The following LDLRAD4 variants were observed in gnomAD, a reference collection of about 807,000 sequenced individuals.
The protein encoded by LDLRAD4 is low-density lipoprotein receptor class A domain-containing protein 4.
A neutral mutation model predicts 17.0 loss-of-function variants in LDLRAD4; 5 were observed. The ratio of observed to expected loss-of-function variants is 0.29; its 90% CI spans 0.15 to 0.62. The LOEUF is 0.62. Ranked by LOEUF, LDLRAD4 falls within the 20% of genes least tolerant of loss-of-function variation. The probability of loss-of-function intolerance (pLI) is 0.84; values close to 1 mark genes in which losing one functional copy is unlikely to be tolerated. For synonymous variants in LDLRAD4, 168 were observed against 171.8 expected (o/e 0.98, Z 0.17); for missense variants, 340 against 424.7 (o/e 0.80, Z 1.75).
intron 3 of LDLRAD4, among the ~76,000 whole-genome samples, chr18:13,447,283 C>T (rs998948585): frequency 1.3e-4 from 20 of 152,208 alleles, no homozygotes; most frequent in African/African-American, 3.4e-4. Context: ...ACTGGCAACA[C>T]GCTTCTGCCT....
At chr18:13,620,985 C>A (rs181474380) in intron 3 of LDLRAD4, 132 bp from the exon 5 acceptor site, 559 of 1,273,310 alleles carry the variant, frequency 4.4e-4, no homozygotes, top group South Asian at 6.2e-4. Context: ...GTTTCTGTGT[C>A]CTGCTGGCCT....
At chr18:13,488,077 C>T (rs1235071198) in intron 3 of LDLRAD4, 1 of 152,406 alleles carries the variant, frequency 6.6e-6, no homozygotes, top group Admixed American at 6.5e-5. Context: ...GCCATCTGGC[C>T]CTTGAGTTCA....
chr18:13,639,689 C>G (rs1159330287), intron 4 of LDLRAD4, among the ~76,000 whole-genome samples: 1 of 152,152 alleles, frequency 6.6e-6, no homozygotes, highest in African/African-American at 2.4e-5. Flanking sequence ...TCCACCACAG[C>G]ATGTTGTAGT....
At chr18:13,424,973 T>G (rs1389490593) in intron 2 of LDLRAD4, among the ~76,000 whole-genome samples, 1 of 152,200 alleles carries the variant, frequency 6.6e-6, no homozygotes, top group East Asian at 1.9e-4. Context: ...GACATGACAT[T>G]TATCATCCAG....
chr18:13,641,875 C>G (rs907724908), intron 4 of LDLRAD4: 11 of 985,398 alleles, frequency 1.1e-5, no homozygotes, highest in Non-Finnish European at 1.3e-5. Flanking sequence ...TCAGGAACCG[C>G]TCAGCCCCTC....
chr18:13,562,622 G>C (rs2094553522), intron 3 of LDLRAD4, among the ~76,000 whole-genome samples: 1 of 152,116 alleles, frequency 6.6e-6, no homozygotes. Flanking sequence ...CGTACCCTTT[G>C]ACTAACATCT....
intron 1 of LDLRAD4, among the ~76,000 whole-genome samples, chr18:13,280,653 C>T (rs1011636359): frequency 6.6e-6 from 1 of 152,222 alleles, no homozygotes; most frequent in Non-Finnish European, 1.5e-5. Flanking sequence ...GCTCCCTGCA[C>T]CATTCCCTGA....
In LDLRAD4 at chr18:13,398,970, G is replaced by A. The variant is rs550170607; in HGVS notation, c.40+11208G>A. Among the ~76,000 whole-genome samples, 1 of 152,294 alleles carries A rather than the reference G, an allele frequency of 6.6e-6. No homozygotes were observed. The highest frequency in any genetic ancestry group is 2.1e-4 in the South Asian group (1 of 4,822). On this transcript the variant is annotated intron_variant, in intron 2 of 5. Transcript: ENST00000359446. This position sits in a 1 kb window ranked among gnomAD's most constrained non-coding sequence, Gnocchi z 4.8. ...AATGATGATCGGGGCTGGGAGCAGT[G>A]GCTCACACCTATAACCCCAGCACTT...
At chr18:13,443,692 T>TGTCGTC (rs34431399) in intron 3 of LDLRAD4, among the ~76,000 whole-genome samples, 7 of 150,392 alleles carry the variant, frequency 4.7e-5, no homozygotes, top group Admixed American at 6.6e-5. Context: ...TCCCTCTTCC[T>TGTCGTC]GTCGTCGTCG....
At chr18:13,568,543 A>G (rs1000744615) in intron 3 of LDLRAD4, among the ~76,000 whole-genome samples, 10 of 152,044 alleles carry the variant, frequency 6.6e-5, no homozygotes, top group African/African-American at 2.2e-4. Flanking sequence ...TCCTTTAAAG[A>G]CCCTTCCCAG....
chr18:13,410,723 A>G (rs2088257707), intron 2 of LDLRAD4, among the ~76,000 whole-genome samples: 1 of 152,246 alleles, frequency 6.6e-6, no homozygotes, highest in Admixed American at 6.5e-5. Flanking sequence ...GATAAGGCCA[A>G]TCAGGTTAGA....
chr18:13,284,801 C>G (rs949830892), intron 1 of LDLRAD4, among the ~76,000 whole-genome samples: 23 of 152,298 alleles, frequency 1.5e-4, no homozygotes, highest in African/African-American at 5.3e-4. Context: ...GAGCTGTGCT[C>G]GAGTGTGAAA....
At chr18:13,482,489 T>C (rs2093117124) in intron 3 of LDLRAD4, among the ~76,000 whole-genome samples, 1 of 152,244 alleles carries the variant, frequency 6.6e-6, no homozygotes, top group Non-Finnish European at 1.5e-5. Flanking sequence ...GTGATTTATT[T>C]ACAAGCATTT....
At chr18:13,218,802 C>T (rs2041283940) in exon 1 of LDLRAD4, 1 of 152,374 alleles carries the variant, frequency 6.6e-6, no homozygotes. Flanking sequence ...GTCTCCGAGC[C>T]CCGGAGGAAG....
intron 1 of LDLRAD4, among the ~76,000 whole-genome samples, chr18:13,345,477 G>A (rs992532355): frequency 4.6e-4 from 70 of 152,236 alleles, no homozygotes; most frequent in South Asian, 1.2e-3. Flanking sequence ...TGCTGGATTC[G>A]GTTTGCCAGT....
At chr18:13,260,258 G>A (rs1381698870) in intron 1 of LDLRAD4, among the ~76,000 whole-genome samples, 2 of 152,194 alleles carry the variant, frequency 1.3e-5, no homozygotes, top group Non-Finnish European at 2.9e-5. Flanking sequence ...GCCCTGTTCT[G>A]CTGTGAGCCT....
At chr18:13,306,770 C>G (rs1178515543) in intron 1 of LDLRAD4, among the ~76,000 whole-genome samples, 9 of 152,106 alleles carry the variant, frequency 5.9e-5, no homozygotes, top group South Asian at 4.1e-4. Context: ...GGATTTGCAA[C>G]AGAGCCAACC....
intron 2 of LDLRAD4, among the ~76,000 whole-genome samples, chr18:13,404,255 C>T (rs2087508082): frequency 6.6e-6 from 1 of 152,248 alleles, no homozygotes; most frequent in Admixed American, 6.5e-5. Context: ...GGGGGCATCA[C>T]TGTTCCCTTG....
At chr18:13,429,426 G>A (rs1427875017) in intron 2 of LDLRAD4, among the ~76,000 whole-genome samples, 1 of 152,216 alleles carries the variant, frequency 6.6e-6, no homozygotes, top group Non-Finnish European at 1.5e-5. Flanking sequence ...GCCTTCTCGT[G>A]GGAATGGCCG....
Sources: allele counts gnomAD v4.1 joint callset (sites outside exome capture counted in the v4.1 genomes callset), GRCh38; gene constraint gnomAD v4.1.1; non-coding constraint Gnocchi (gnomAD v3.1); transcripts MANE v1.5; gene names NCBI Gene and HGNC (gene_info 2026-07-23, HGNC 2026-07-21).